SSH2: variants seen among roughly 807,000 people sequenced by gnomAD.
SSH2 encodes slingshot protein phosphatase 2, also known as protein phosphatase Slingshot homolog 2.
In SSH2, 37 loss-of-function variants were observed where a neutral mutation model predicts 135.2. The observed-to-expected ratio is 0.27, with a 90% CI of 0.21 to 0.36. SSH2 has a LOEUF of 0.36. Among genes scored for constraint, SSH2 ranks in the 10% least tolerant of loss-of-function variants. The probability of loss-of-function intolerance (pLI) is 1.00; values close to 1 mark genes in which losing one functional copy is unlikely to be tolerated. For synonymous variants in SSH2, 628 were observed against 646.2 expected (o/e 0.97, Z 0.43); for missense variants, 1,408 against 1,765.3 (o/e 0.80, Z 3.63).
intron 7 of SSH2, 40 bp downstream of exon 7, chr17:29,677,633 C>T: frequency 6.4e-7 from 1 of 1,570,194 alleles, no homozygotes. Flanking sequence ...AGCCCCACCC[C>T]TTGGCTTTCT....
At chr17:29,675,588 G>A (rs1441959558) in intron 8 of SSH2, among the ~76,000 whole-genome samples, 2 of 151,964 alleles carry the variant, frequency 1.3e-5, no homozygotes, top group Non-Finnish European at 1.5e-5. Context: ...GAGGCCAGGA[G>A]TTCAAGACCA....
intron 3 of SSH2, among the ~76,000 whole-genome samples, chr17:29,768,279 AT>A (rs1435063388): frequency 1.6e-4 from 24 of 151,894 alleles, no homozygotes; most frequent in African/African-American, 5.8e-4. Context: ...CTATAACAAG[AT>A]AAATGTAAAT....
At chr17:29,689,136 C>T (rs186741810) in intron 5 of SSH2, among the ~76,000 whole-genome samples, 2 of 147,226 alleles carry the variant, frequency 1.4e-5, no homozygotes, top group Admixed American at 6.9e-5. Flanking sequence ...CCAGCCTGGG[C>T]GACAGGGCAA....
rs541333219 is a variant in SSH2 at position 29,870,449 on chromosome 17, G to A, written c.64-21520C>T. ...TGGATGGCCAGGGTACGAAAGTAGA[G>A]GATGACTTCATTATATACCCTTTAT... On this transcript the variant is annotated intron_variant, in intron 1 of 15. Transcript: ENST00000540801. Among the ~76,000 whole-genome samples, 12 of 152,188 alleles carry A rather than the reference G, an allele frequency of 7.9e-5. No individual in the cohort carries two copies. The South Asian group carries it at 2.5e-3, about 32-fold the overall frequency.
chr17:29,748,936 A>G (rs1173281143), intron 3 of SSH2, among the ~76,000 whole-genome samples: 1 of 152,250 alleles, frequency 6.6e-6, no homozygotes, highest in African/African-American at 2.4e-5. Context: ...TGTTAAATGA[A>G]TAACGCAAAA....
chr17:29,897,018 G>T (rs558193668), intron 1 of SSH2, among the ~76,000 whole-genome samples: 1 of 151,996 alleles, frequency 6.6e-6, no homozygotes, highest in East Asian at 1.9e-4. Flanking sequence ...ATATATGGGT[G>T]TGTATATATA....
intron 2 of SSH2, among the ~76,000 whole-genome samples, chr17:29,848,294 G>C (rs544838161): frequency 6.6e-6 from 1 of 152,174 alleles, no homozygotes. Flanking sequence ...GGTCAGATGG[G>C]ATAAGTAAAA....
chr17:29,833,731 C>G (rs1225733431), intron 2 of SSH2, among the ~76,000 whole-genome samples: 1 of 106,928 alleles, frequency 9.4e-6, no homozygotes, highest in Non-Finnish European at 1.9e-5. Context: ...CCCTCCCTCC[C>G]TACTTCCCTC....
In SSH2 at chr17:29,709,786, A is replaced by G. The variant is rs149606022; in HGVS notation, c.189-6724T>C. Among the ~76,000 whole-genome samples the G allele has an allele frequency of 9.9e-4, 150 of 152,254 alleles. 2 individuals carry two copies. In the Middle Eastern group the frequency reaches 0.01, roughly 10 times the overall value. ...CCCCAACAAGGCCATAAACAGAAAG[A>G]CTACACTGAGGGGAATAAAGAACAT... On this transcript the variant is annotated intron_variant, in intron 3 of 15. Coordinates refer to ENST00000540801, the MANE Select transcript of SSH2 (RefSeq NM_001282129.2).
chr17:29,696,183 A>ACG (rs1162310446), intron 4 of SSH2, among the ~76,000 whole-genome samples: 2 of 123,286 alleles, frequency 1.6e-5, no homozygotes, highest in Non-Finnish European at 3.7e-5. Flanking sequence ...ATACACACAC[A>ACG]CACACACACA....
At chr17:29,905,457 G>A (rs989429273) in intron 1 of SSH2, among the ~76,000 whole-genome samples, 2 of 152,214 alleles carry the variant, frequency 1.3e-5, no homozygotes, top group East Asian at 1.9e-4. Flanking sequence ...TCTCCTGGGT[G>A]AGGCTGCAGC....
intron 3 of SSH2, among the ~76,000 whole-genome samples, chr17:29,769,722 A>C (rs1314527162): frequency 6.6e-6 from 1 of 152,164 alleles, no homozygotes; most frequent in Non-Finnish European, 1.5e-5. Context: ...ACTAACATTG[A>C]GTTGATAAGA....
At chr17:29,700,695 C>T (rs182611624) in intron 4 of SSH2, among the ~76,000 whole-genome samples, 1 of 152,286 alleles carries the variant, frequency 6.6e-6, no homozygotes, top group Admixed American at 6.5e-5. Flanking sequence ...GTATCATTCC[C>T]CTCCTCATAC....
At chr17:29,755,835 G>A (rs1396681027) in intron 3 of SSH2, among the ~76,000 whole-genome samples, 3 of 150,606 alleles carry the variant, frequency 2.0e-5, no homozygotes, top group Non-Finnish European at 4.4e-5. Flanking sequence ...CTAATTTTTT[G>A]TGTTTTTAGT....
intron 1 of SSH2, among the ~76,000 whole-genome samples, chr17:29,909,687 A>C (rs1317988338): frequency 6.6e-6 from 1 of 152,192 alleles, no homozygotes; most frequent in Non-Finnish European, 1.5e-5. Context: ...GAGTTAAATT[A>C]TATGAAAAAG....
At position 29,750,451 on chromosome 17, in the gene SSH2, A is replaced by AT. The variant is rs954585856; in HGVS notation, c.188+43442_188+43443insA. Among the ~76,000 whole-genome samples the AT allele has an allele frequency of 4.7e-4, 72 of 151,682 alleles. No homozygotes were observed. The East Asian group carries it at 5.8e-3, about 12-fold the overall frequency. Reference sequence around the variant, plus strand: ...GAGACTCTGTCTCAAAAAAAAAAAAAAATTTTTTTTTAAATAAATAAAAAT... The same window carrying AT: ...GAGACTCTGTCTCAAAAAAAAAAAAATAATTTTTTTTTAAATAAATAAAAAT... On this transcript the variant is annotated intron_variant, in intron 3 of 15. Coordinates refer to ENST00000540801, the MANE Select transcript of SSH2 (RefSeq NM_001282129.2).
intron 1 of SSH2, among the ~76,000 whole-genome samples, chr17:29,894,510 C>A (rs2066406356): frequency 6.6e-6 from 1 of 152,016 alleles, no homozygotes; most frequent in African/African-American, 2.4e-5. Flanking sequence ...ACTTACGATA[C>A]CTACTTCGAT....
intron 3 of SSH2, among the ~76,000 whole-genome samples, chr17:29,791,652 G>C (rs1025966939): frequency 2.6e-5 from 4 of 152,166 alleles, no homozygotes; most frequent in African/African-American, 9.7e-5. Context: ...GCATTCAACT[G>C]GCAGGTAAGA....
intron 1 of SSH2, among the ~76,000 whole-genome samples, chr17:29,919,402 A>C (rs1442763907): frequency 6.6e-6 from 1 of 152,152 alleles, no homozygotes; most frequent in Non-Finnish European, 1.5e-5. Flanking sequence ...CTTTCATTAC[A>C]TTTCAGAGCC....
Sources: gnomAD v4.1 joint callset for allele counts (sites outside exome capture counted in the v4.1 genomes callset) on GRCh38, gnomAD v4.1.1 for gene constraint, MANE v1.5 for transcripts, NCBI Gene and HGNC (gene_info 2026-07-23, HGNC 2026-07-21) for gene names.